Variants in IFI16 observed in about 807,000 individuals in gnomAD.
IFI16 encodes the protein gamma-interferon-inducible protein 16.
Under a neutral mutation model 68.4 loss-of-function variants are expected in IFI16, and 49 were observed. The observed-to-expected ratio is 0.72, with a 90% CI of 0.57 to 0.91. The LOEUF (loss-of-function observed/expected upper bound fraction) is 0.91, where lower values mean the gene tolerates loss of function less well. Among genes scored for constraint, IFI16 ranks in the 40% least tolerant of loss-of-function variants. The pLI is 0.00. For synonymous variants in IFI16, 307 were observed against 315.0 expected (o/e 0.97, Z 0.27); for missense variants, 878 against 942.9 (o/e 0.93, Z 0.90).
At chr1:159,047,381 C>A (rs1297080353) in intron 8 of IFI16, among the ~76,000 whole-genome samples, 2 of 148,738 alleles carry the variant, frequency 1.3e-5, no homozygotes, top group African/African-American at 4.9e-5. Flanking sequence ...TTGGGACTTA[C>A]CATCAAGGCC....
intron 7 of IFI16, among the ~76,000 whole-genome samples, chr1:159,041,823 G>C (rs975161989): frequency 7.2e-5 from 11 of 152,088 alleles, no homozygotes; most frequent in Admixed American, 3.3e-4. Context: ...TAAAAAGGGG[G>C]ATTTTGAAAA....
chr1:159,044,003 A>G (rs1442483060), intron 7 of IFI16, among the ~76,000 whole-genome samples: 1 of 152,218 alleles, frequency 6.6e-6, no homozygotes, highest in African/African-American at 2.4e-5. Flanking sequence ...ATCATAAAGC[A>G]TGAAATATCT....
intron 10 of IFI16, chr1:159,052,321 C>T: frequency 1.9e-6 from 1 of 538,402 alleles, no homozygotes; most frequent in Non-Finnish European, 3.3e-6. Flanking sequence ...GTTATTTAGA[C>T]AGTCACTAGG....
At chr1:159,050,408 G>C (rs1341440409) in intron 9 of IFI16, among the ~76,000 whole-genome samples, 1 of 152,250 alleles carries the variant, frequency 6.6e-6, no homozygotes, top group South Asian at 2.1e-4. Context: ...CTTGTGTCAG[G>C]GTACTGATGT....
At chr1:159,028,587 T>C (rs1653809091) in intron 6 of IFI16, among the ~76,000 whole-genome samples, 1 of 152,160 alleles carries the variant, frequency 6.6e-6, no homozygotes, top group African/African-American at 2.4e-5. Flanking sequence ...TTCTGTCTTG[T>C]TGGACTGTCT....
intron 6 of IFI16, among the ~76,000 whole-genome samples, chr1:159,024,629 C>T (rs546991019): frequency 3.3e-5 from 5 of 152,160 alleles, no homozygotes; most frequent in South Asian, 4.2e-4. Context: ...ATGAGTGCTA[C>T]GGGTAATTGT....
At chr1:159,042,967 C>T (rs1027361400) in intron 7 of IFI16, among the ~76,000 whole-genome samples, 1 of 152,168 alleles carries the variant, frequency 6.6e-6, no homozygotes, top group African/African-American at 2.4e-5. Flanking sequence ...ATAGGGAACA[C>T]TAAGATTTAC....
chr1:159,054,175 T>A (rs1490273812), intron 11 of IFI16, among the ~76,000 whole-genome samples: 2 of 152,166 alleles, frequency 1.3e-5, no homozygotes, highest in African/African-American at 4.8e-5. Context: ...CAAGAATGCA[T>A]CTGAGCAAAT....
At chr1:159,016,215 C>G (rs1227241985) in intron 3 of IFI16, among the ~76,000 whole-genome samples, 1 of 152,226 alleles carries the variant, frequency 6.6e-6, no homozygotes, top group Non-Finnish European at 1.5e-5. Context: ...TACCTTCATT[C>G]TAGTAGAGTG....
At chr1:159,019,023 CATT>C (rs1489964249) in intron 5 of IFI16, among the ~76,000 whole-genome samples, 1 of 152,066 alleles carries the variant, frequency 6.6e-6, no homozygotes, top group Non-Finnish European at 1.5e-5. Context: ...ATAAAAATCA[CATT>C]ATTTTTATTT....
chr1:159,048,930 T>C (rs1400524256), intron 8 of IFI16, among the ~76,000 whole-genome samples: 1 of 151,508 alleles, frequency 6.6e-6, no homozygotes, highest in Admixed American at 6.6e-5. Flanking sequence ...GAACCTTCCC[T>C]GAGGAATTGT....
chr1:159,032,831 T>C, intron 7 of IFI16, 140 bp downstream of exon 7: 3 of 690,730 alleles, frequency 4.3e-6, no homozygotes, highest in Non-Finnish European at 7.1e-6. Flanking sequence ...CTCAATCATT[T>C]ATTGAATTCA....
In IFI16 at chr1:159,018,756, A is replaced by G. The variant is rs1179169783; in HGVS notation, c.972+105A>G. On this transcript the variant is annotated intron_variant, in intron 5 of 11. Transcript: ENST00000295809. ...GCCTATAAACTGGATATTAGAATCC[A>G]GGACTCTGAAGACTAATGACAGGTG... 3.8e-6 allele frequency: 3 copies of G among 783,402 alleles called. No individual in the cohort carries two copies. The African/African-American group carries it at 5.2e-5, about 14-fold the overall frequency. The allele number at this position is 783,402 out of a possible 1,614,324, so 48.5% of individuals were successfully genotyped here. A position where few individuals can be genotyped will look rare whatever the true frequency, so the allele number is the denominator to read the frequency against.
At chr1:159,014,582 C>A in intron 1 of IFI16, 79 bp from the exon 2 acceptor site, 2 of 870,748 alleles carry the variant, frequency 2.3e-6, no homozygotes, top group African/African-American at 1.7e-5. Context: ...TTCATATGGG[C>A]CACTCACTCA....
At chr1:159,002,964 T>TA (rs1327460662), upstream of IFI16, among the ~76,000 whole-genome samples, 1 of 152,146 alleles carries the variant, frequency 6.6e-6, no homozygotes, top group Non-Finnish European at 1.5e-5. Context: ...ATAGCATAGA[T>TA]AAAAAACAAA....
At chr1:159,044,547 G>T (rs200727958) in intron 7 of IFI16, among the ~76,000 whole-genome samples, 2 of 151,518 alleles carry the variant, frequency 1.3e-5, no homozygotes, top group Non-Finnish European at 3.0e-5. Context: ...TACTGAATGG[G>T]AAAACTGCTA....
intron 11 of IFI16, 47 bp from the exon 12 acceptor site, chr1:159,054,774 A>T (rs775939363): frequency 1.1e-6 from 1 of 946,916 alleles, no homozygotes; most frequent in East Asian, 2.4e-5. Context: ...GAAATGTAGG[A>T]TCATCAGCAT....
upstream of IFI16, among the ~76,000 whole-genome samples, chr1:159,003,862 G>A (rs1051007699): frequency 1.3e-4 from 19 of 151,796 alleles, no homozygotes; most frequent in African/African-American, 2.4e-5. Context: ...GGGTTTCACT[G>A]TGTTAGCCAG....
intron 1 of IFI16, among the ~76,000 whole-genome samples, chr1:159,013,373 T>TTAG (rs1652706093): frequency 6.6e-6 from 1 of 151,928 alleles, no homozygotes; most frequent in South Asian, 2.1e-4. Flanking sequence ...TCTCACTGTG[T>TTAG]TAGCCAGGAT....
Sources: allele counts gnomAD v4.1 joint callset (sites outside exome capture counted in the v4.1 genomes callset), GRCh38; gene constraint gnomAD v4.1.1; transcripts MANE v1.5; gene names NCBI Gene and HGNC (gene_info 2026-07-23, HGNC 2026-07-21).